The following CDH13 variants were observed in gnomAD, a reference collection of about 807,000 sequenced individuals.
The protein encoded by CDH13 is cadherin 13.
CDH13 carries 24 observed loss-of-function variants against 63.8 expected under a neutral mutation model. The observed-to-expected ratio is 0.38, with a 90% CI of 0.27 to 0.53. The LOEUF (loss-of-function observed/expected upper bound fraction) is 0.53, where lower values mean the gene tolerates loss of function less well. CDH13 is among the 20% of genes least tolerant of loss of function. The probability of loss-of-function intolerance (pLI) is 0.85; values close to 1 mark genes in which losing one functional copy is unlikely to be tolerated. For synonymous variants in CDH13, 503 were observed against 355.3 expected (o/e 1.42, Z -4.67); for missense variants, 1,049 against 903.1 (o/e 1.16, Z -2.07).
intron 11 of CDH13, among the ~76,000 whole-genome samples, chr16:83,777,015 T>C (rs369928176): frequency 7.7e-4 from 118 of 152,270 alleles, no homozygotes; most frequent in African/African-American, 2.6e-3. Context: ...GAACCGCTGG[T>C]CTTCCCACTT....
chr16:83,297,770 C>T (rs2089636847), intron 5 of CDH13, among the ~76,000 whole-genome samples: 4 of 152,056 alleles, frequency 2.6e-5, no homozygotes. Context: ...AAGAAACATA[C>T]AAATGACCAA....
intron 3 of CDH13, among the ~76,000 whole-genome samples, chr16:83,049,932 C>G (rs1189753027): frequency 6.6e-6 from 1 of 152,126 alleles, no homozygotes; most frequent in Non-Finnish European, 1.5e-5. Flanking sequence ...GTGTGGGCAG[C>G]TCTATTATCT....
At position 83,513,549 on chromosome 16, in the gene CDH13, C is replaced by G. The variant is rs1440756757; in HGVS notation, c.960+26894C>G. On this transcript the variant is annotated intron_variant, in intron 7 of 13. Transcript: ENST00000567109. ...GGTTGGGAAGGCCTCAGGAGACTTA[C>G]AATCATGGCAGAAGGGAAAGTCAAC... is the stretch of plus-strand genomic sequence containing the variant. Among the ~76,000 whole-genome samples the G allele has an allele frequency of 1.1e-4, 16 of 152,134 alleles. 1 individual carries two copies. The highest frequency in any genetic ancestry group is 1.0e-3 in the Admixed American group (16 of 15,264).
chr16:83,115,930 C>A (rs1301411004), intron 3 of CDH13, among the ~76,000 whole-genome samples: 1 of 152,196 alleles, frequency 6.6e-6, no homozygotes, highest in African/African-American at 2.4e-5. Context: ...TGAATGTCAG[C>A]GTATTTAGGA....
intron 5 of CDH13, among the ~76,000 whole-genome samples, chr16:83,301,702 A>T (rs1230859552): frequency 1.3e-5 from 2 of 152,122 alleles, no homozygotes; most frequent in African/African-American, 2.4e-5. Context: ...TATTATGGCT[A>T]TACTTGGTCT....
intron 2 of CDH13, among the ~76,000 whole-genome samples, chr16:82,977,248 A>G (rs958045564): frequency 6.6e-5 from 10 of 152,134 alleles, no homozygotes; most frequent in African/African-American, 2.4e-4. Flanking sequence ...AGAGCTGGAC[A>G]ACACTGGGAT....
chr16:83,162,755 A>G (rs1340146025), intron 4 of CDH13, among the ~76,000 whole-genome samples: 3 of 152,146 alleles, frequency 2.0e-5, no homozygotes, highest in Non-Finnish European at 2.9e-5. Context: ...TAGGCCTGAG[A>G]TTAGTCCAAA....
chr16:83,500,987 C>T (rs971659250), intron 7 of CDH13, among the ~76,000 whole-genome samples: 1 of 152,130 alleles, frequency 6.6e-6, no homozygotes, highest in Non-Finnish European at 1.5e-5. Context: ...GGGAAGCATT[C>T]CAAATGTTTT....
chr16:83,347,465 C>T (rs2090864188), intron 6 of CDH13, among the ~76,000 whole-genome samples: 3 of 152,148 alleles, frequency 2.0e-5, no homozygotes, highest in Admixed American at 2.0e-4. Flanking sequence ...AACCTGCCTT[C>T]AAATCATATG....
chr16:82,979,664 A>C (rs1161934582), intron 2 of CDH13, among the ~76,000 whole-genome samples: 1 of 152,210 alleles, frequency 6.6e-6, no homozygotes, highest in Admixed American at 6.5e-5. Context: ...ATTGTGAGTC[A>C]ATTAAACCTC....
chr16:83,269,875 C>G (rs908145187), intron 5 of CDH13, among the ~76,000 whole-genome samples: 2 of 152,182 alleles, frequency 1.3e-5, no homozygotes, highest in East Asian at 3.9e-4. Flanking sequence ...TTTGTCTGTC[C>G]TGCTTCCTCA....
chr16:83,089,094 T>C (rs1208200481), intron 3 of CDH13, among the ~76,000 whole-genome samples: 2 of 152,220 alleles, frequency 1.3e-5, no homozygotes, highest in Non-Finnish European at 2.9e-5. Context: ...ATCAATTCCT[T>C]TCCATGTCTA....
chr16:83,544,104 G>T (rs533662844), intron 7 of CDH13, among the ~76,000 whole-genome samples: 7 of 152,266 alleles, frequency 4.6e-5, no homozygotes, highest in African/African-American at 1.7e-4. Flanking sequence ...TGTGCTTCGA[G>T]CACACCCTCT....
At chr16:82,648,378 C>G (rs1322586108) in intron 1 of CDH13, among the ~76,000 whole-genome samples, 2 of 152,154 alleles carry the variant, frequency 1.3e-5, no homozygotes, top group African/African-American at 4.8e-5. Context: ...GAAGTAGTTG[C>G]CACATGCCTG....
At chr16:82,842,089 T>C (rs1163545471) in intron 1 of CDH13, among the ~76,000 whole-genome samples, 1 of 45,378 alleles carries the variant, frequency 2.2e-5, no homozygotes, top group Non-Finnish European at 5.5e-5. Context: ...TCTTGCATTC[T>C]ACATATATAT....
At chr16:83,075,916 C>T (rs1251996950) in intron 3 of CDH13, among the ~76,000 whole-genome samples, 1 of 152,112 alleles carries the variant, frequency 6.6e-6, no homozygotes, top group Non-Finnish European at 1.5e-5. Context: ...TAAACACATA[C>T]GAGGAGCTAC....
At chr16:83,382,979 C>T (rs186412569) in intron 6 of CDH13, 1 of 152,312 alleles carries the variant, frequency 6.6e-6, no homozygotes, top group East Asian at 1.9e-4. Flanking sequence ...AAGAATTATC[C>T]AGTCAAAAAT....
intron 1 of CDH13, among the ~76,000 whole-genome samples, chr16:82,658,446 G>A (rs570600575): frequency 2.0e-5 from 3 of 152,160 alleles, no homozygotes; most frequent in Admixed American, 2.0e-4. Flanking sequence ...TCCCATCATG[G>A]TTACATTTTA....
chr16:83,041,659 G>A (rs1917341058), intron 3 of CDH13, among the ~76,000 whole-genome samples: 1 of 152,058 alleles, frequency 6.6e-6, no homozygotes, highest in South Asian at 2.1e-4. Context: ...TACATTCATG[G>A]GGATATTTAG....
Sources: allele counts gnomAD v4.1 joint callset (sites outside exome capture counted in the v4.1 genomes callset), GRCh38; gene constraint gnomAD v4.1.1; transcripts MANE v1.5; gene names NCBI Gene and HGNC (gene_info 2026-07-23, HGNC 2026-07-21).